NSUN7: variants seen among roughly 807,000 people sequenced by gnomAD.
NSUN7 encodes the protein NOP2/Sun RNA methyltransferase family member 7.
In NSUN7, 39 loss-of-function variants were observed where a neutral mutation model predicts 58.5. The observed-to-expected ratio is 0.67, with a 90% CI of 0.52 to 0.87. NSUN7 has a LOEUF of 0.87. Ranked by LOEUF, NSUN7 falls within the 40% of genes least tolerant of loss-of-function variation. NSUN7 has a pLI of 0.00. For synonymous variants in NSUN7, 278 were observed against 303.7 expected, an observed-to-expected ratio of 0.92 and a Z score of 0.88; for missense variants, 765 against 844.1, an observed-to-expected ratio of 0.91 and a Z score of 1.16.
Position 40,808,606 on chromosome 4 carries a change from G to C in NSUN7, c.1824G>C (p.Lys608Asn), listed in dbSNP as rs2465576. 2 of 1,551,528 alleles carry C rather than the reference G, an allele frequency of 1.3e-6. No homozygotes were observed. The highest frequency in any genetic ancestry group is 2.7e-5 in the African/African-American group (2 of 72,940). Reference sequence around the variant, plus strand: ...CCTCACAGACCAGAAAACCCAACAAGCTGGCCCCCCATCCTGCAGTGCCTG... The same window carrying C: ...CCTCACAGACCAGAAAACCCAACAACCTGGCCCCCCATCCTGCAGTGCCTG... ...GASSQTRKPNKLAPHPAVPAF... is the reference protein window; with the variant it reads ...GASSQTRKPNNLAPHPAVPAF... The change falls in exon 12 of 12, where the codon AAG (lysine) becomes AAC (asparagine). Residue 608 changes from lysine to asparagine, a missense_variant. Physicochemically the swap from Lys to Asn is moderately conservative, Grantham distance 94. Coordinates refer to ENST00000381782, the MANE Select transcript of NSUN7 (RefSeq NM_024677.6).
chr4:40,758,937 C>A (rs934222376), intron 2 of NSUN7, among the ~76,000 whole-genome samples: 1 of 151,852 alleles, frequency 6.6e-6, no homozygotes, highest in Admixed American at 6.6e-5. Context: ...TCAATTTATA[C>A]CTTGGTTATA....
At chr4:40,790,858 C>T (rs1743046921) in intron 8 of NSUN7, 113 bp downstream of exon 8, 1 of 813,160 alleles carries the variant, frequency 1.2e-6, no homozygotes, top group Non-Finnish European at 1.9e-6. Context: ...ATAATAGCAA[C>T]CACATATAAA....
rs1002926735 is a variant in NSUN7, at chr4:40,774,847, T to G, written c.722T>G (p.Phe241Cys). The G allele has an allele frequency of 6.6e-7, 1 of 1,522,798 alleles. No homozygotes were observed. The highest frequency in any genetic ancestry group is 9.1e-7 in the Non-Finnish European group (1 of 1,097,888). The allele number at this position is 1,522,798 out of a possible 1,614,324, so 94.3% of individuals were successfully genotyped here. ...KSVLHIDDKVFAVDQHCYDVL... is the reference protein window; with the variant it reads ...KSVLHIDDKVCAVDQHCYDVL... ...GTATTGCATATTGATGATAAAGTCT[T>G]TGCTGTGGATCAACATTGCTATGAT... The change falls in exon 6 of 12, where the codon TTT becomes TGT. Residue 241 changes from phenylalanine (F) to cysteine (C), a missense_variant. By Grantham distance (205) the Phe-to-Cys change is radical (BLOSUM62 -2). Coordinates refer to ENST00000381782, the MANE Select transcript of NSUN7 (RefSeq NM_024677.6).
intron 2 of NSUN7, among the ~76,000 whole-genome samples, chr4:40,757,913 T>TGTTTGTTTGTTC (rs1450780484): frequency 6.6e-6 from 1 of 151,210 alleles, no homozygotes; most frequent in Admixed American, 6.6e-5. Flanking sequence ...TTTGTTTGTT[T>TGTTTGTTTGTTC]GTTTGTTTGT....
chr4:40,757,154 G>A (rs1302002827), intron 2 of NSUN7, among the ~76,000 whole-genome samples: 1 of 152,130 alleles, frequency 6.6e-6, no homozygotes, highest in Non-Finnish European at 1.5e-5. Flanking sequence ...GCTTGAACCT[G>A]GGAGGCAGAG....
chr4:40,760,571 A>G, intron 3 of NSUN7, 79 bp downstream of exon 3: 1 of 1,254,214 alleles, frequency 8.0e-7, no homozygotes. Context: ...TTTAGATTTA[A>G]ATAGTTTGAG....
In NSUN7 at chr4:40,776,201, A is replaced by G. The variant is rs1245936268; in HGVS notation, c.978A>G (p.Val326=). 1.9e-6 allele frequency: 3 copies of G among 1,612,166 alleles called. No individual in the cohort carries two copies. In the East Asian group the frequency reaches 6.7e-5, roughly 36 times the overall value. The part of the protein sequence containing the change: ...NNTSKVFVCG[V]QSQAKDPDLK... ...CCTCAAAAGTATTTGTGTGTGGAGT[A>G]CAATCACAAGCTAAGGATCCTGACT... Residue 326 remains valine (V), a synonymous_variant, in exon 7 of 12, where the codon GTA becomes GTG. Transcript: ENST00000381782.
intron 2 of NSUN7, among the ~76,000 whole-genome samples, chr4:40,759,479 C>T (rs941617255): frequency 7.2e-5 from 11 of 152,182 alleles, no homozygotes; most frequent in African/African-American, 2.7e-4. Context: ...GGAATGCTGT[C>T]CCTTCCTAGA....
rs374777596 is a variant in NSUN7 at position 40,802,664 on chromosome 4, CTTT to C, written c.1400+3764_1400+3766del. On this transcript the variant is annotated intron_variant, in intron 10 of 11. Coordinates refer to ENST00000381782, the MANE Select transcript of NSUN7 (RefSeq NM_024677.6). ...TTGTTTTTTTGTATCACACCATAAA[CTTT>C]TTTATTGAAACCTACAGTAGGAAAT... Among the ~76,000 whole-genome samples, 198 of 151,886 alleles carry C rather than the reference CTTT, an allele frequency of 1.3e-3. 2 individuals carry two copies. The East Asian group carries it at 0.02, about 15-fold the overall frequency.
chr4:40,764,427 G>C (rs1487594651), intron 4 of NSUN7, among the ~76,000 whole-genome samples: 3 of 150,644 alleles, frequency 2.0e-5, no homozygotes, highest in East Asian at 1.9e-4. Flanking sequence ...TTTTATGGCT[G>C]CATAGTATTC....
At chr4:40,777,482 C>T (rs1041452923) in intron 7 of NSUN7, among the ~76,000 whole-genome samples, 4 of 152,024 alleles carry the variant, frequency 2.6e-5, no homozygotes, top group East Asian at 1.9e-4. Context: ...TACAGGTACT[C>T]GCCAACATGC....
intron 8 of NSUN7, 114 bp downstream of exon 8, chr4:40,790,859 C>G (rs1743047045): frequency 1.5e-5 from 12 of 807,574 alleles, no homozygotes. Context: ...TAATAGCAAC[C>G]ACATATAAAG....
chr4:40,751,592 A>T (rs1272468902), intron 2 of NSUN7, among the ~76,000 whole-genome samples: 1 of 152,234 alleles, frequency 6.6e-6, no homozygotes, highest in Non-Finnish European at 1.5e-5. Flanking sequence ...ACCAACCCCA[A>T]TTAAGACTAT....
intron 10 of NSUN7, 150 bp downstream of exon 10, chr4:40,799,054 G>C: frequency 2.5e-5 from 4 of 160,980 alleles, no homozygotes; most frequent in East Asian, 3.3e-4. Flanking sequence ...ATTTAACCAA[G>C]ATTCCATAGG....
At position 40,809,686 on chromosome 4, in the gene NSUN7, T is replaced by C. The variant is rs1200785138; in HGVS notation, c.*747T>C. On this transcript the variant is annotated 3_prime_UTR_variant, in exon 12 of 12. Coordinates refer to ENST00000381782, the MANE Select transcript of NSUN7 (RefSeq NM_024677.6). ...AATAATTCTGAAGAAGAGGCAAAAC[T>C]GTTGAATGCAAGCGATACCTATTGT... The C allele has an allele frequency of 4.6e-5, 7 of 152,254 alleles. No homozygotes were observed. The highest frequency in any genetic ancestry group is 4.6e-4 in the Admixed American group (7 of 15,276). 9.4% of individuals were successfully genotyped at this position (152,254 alleles called of 1,614,324 possible).
intron 10 of NSUN7, among the ~76,000 whole-genome samples, chr4:40,805,102 CAGCCTGG>C (rs1743759950): frequency 6.6e-6 from 1 of 152,214 alleles, no homozygotes; most frequent in Non-Finnish European, 1.5e-5. Flanking sequence ...TTGCCATCTG[CAGCCTGG>C]CATTGCTTCC....
intron 2 of NSUN7, among the ~76,000 whole-genome samples, chr4:40,754,557 C>A (rs1741042262): frequency 6.6e-6 from 1 of 152,204 alleles, no homozygotes; most frequent in Non-Finnish European, 1.5e-5. Flanking sequence ...TGTAAACTTA[C>A]ATCTGGCTTA....
chr4:40,768,241 G>A (rs1248906549), intron 4 of NSUN7, among the ~76,000 whole-genome samples: 1 of 143,480 alleles, frequency 7.0e-6, no homozygotes, highest in Non-Finnish European at 1.5e-5. Flanking sequence ...TTGCTCTGTC[G>A]CCCATGCTGG....
At chr4:40,753,684 T>C (rs1740951506) in intron 2 of NSUN7, among the ~76,000 whole-genome samples, 1 of 152,240 alleles carries the variant, frequency 6.6e-6, no homozygotes, top group Admixed American at 6.5e-5. Flanking sequence ...TATTTTTTCT[T>C]ATAATAATAC....
Sources: allele counts gnomAD v4.1 joint callset (sites outside exome capture counted in the v4.1 genomes callset), GRCh38; gene constraint gnomAD v4.1.1; transcripts MANE v1.5; gene names NCBI Gene and HGNC (gene_info 2026-07-23, HGNC 2026-07-21).